Variants in CPEB3 observed in about 807,000 individuals in gnomAD.
CPEB3 encodes the protein cytoplasmic polyadenylation element binding protein 3, also known as cytoplasmic polyadenylation element-binding protein 3.
A neutral mutation model predicts 67.2 loss-of-function variants in CPEB3; 20 were observed. That is an observed-to-expected ratio of 0.30 (90% CI 0.21 to 0.43). The LOEUF is 0.43. CPEB3 is among the 20% of genes least tolerant of loss of function. The pLI, the probability that CPEB3 is intolerant of heterozygous loss-of-function variation, is 1.00. For synonymous variants in CPEB3, 376 were observed against 393.1 expected (o/e 0.96, Z 0.51); for missense variants, 746 against 968.6 (o/e 0.77, Z 3.05).
intron 6 of CPEB3, among the ~76,000 whole-genome samples, chr10:92,131,517 G>A (rs1039518998): frequency 3.9e-5 from 6 of 152,150 alleles, no homozygotes; most frequent in Admixed American, 2.6e-4. Context: ...AAAATATTTA[G>A]CTTGGAAAGA....
chr10:92,238,622 C>T (rs1851654430), intron 2 of CPEB3, among the ~76,000 whole-genome samples: 1 of 93,466 alleles, frequency 1.1e-5, no homozygotes, highest in Non-Finnish European at 2.0e-5. Flanking sequence ...TGTCTCTTAC[C>T]TCCGAAAAAA....
intron 1 of CPEB3, among the ~76,000 whole-genome samples, chr10:92,264,547 T>C (rs933945742): frequency 2.6e-5 from 4 of 152,046 alleles, no homozygotes; most frequent in Admixed American, 2.0e-4. Flanking sequence ...ATCATGTTTT[T>C]TCTCAATCAA....
intron 6 of CPEB3, among the ~76,000 whole-genome samples, chr10:92,123,919 C>T (rs1170452427): frequency 6.6e-6 from 1 of 152,186 alleles, no homozygotes; most frequent in African/African-American, 2.4e-5. Flanking sequence ...GCTGGCTTCC[C>T]ATTCCTAACT....
At chr10:92,218,321 C>T (rs1241740295) in intron 2 of CPEB3, among the ~76,000 whole-genome samples, 4 of 152,146 alleles carry the variant, frequency 2.6e-5, no homozygotes, top group African/African-American at 4.8e-5. Flanking sequence ...GCAGGAGAAT[C>T]GCCTGAACCT....
intron 2 of CPEB3, among the ~76,000 whole-genome samples, chr10:92,228,726 T>A (rs910982504): frequency 3.3e-5 from 5 of 151,818 alleles, no homozygotes; most frequent in African/African-American, 4.8e-5. Context: ...ACATTTTTTT[T>A]TTTTTGAGAC....
chr10:92,239,967 G>T lies in CPEB3; in HGVS notation c.384C>A (p.Thr128=). Reference sequence around the variant, plus strand: ...GGAAGAGCATGGTCCCGTTGACTGGGGTGATCCCCTGGAAGAAGCTGTCCT... The same window carrying T: ...GGAAGAGCATGGTCCCGTTGACTGGTGTGATCCCCTGGAAGAAGCTGTCCT... ...AVEDSFFQGI[T]PVNGTMLFQN... is the part of the protein sequence containing the mutation. Residue 128 remains threonine (T), a synonymous_variant, in exon 2 of 10, where the codon ACC becomes ACA. Coordinates refer to ENST00000265997, the MANE Select transcript of CPEB3 (RefSeq NM_014912.5). The surrounding 1 kb of genome is among the most constrained non-coding windows in gnomAD (Gnocchi z 6.0). 3.7e-6 allele frequency: 6 copies of T among 1,613,248 alleles called. No homozygotes were observed. The highest frequency in any genetic ancestry group is 5.1e-6 in the Non-Finnish European group (6 of 1,179,614).
intron 2 of CPEB3, among the ~76,000 whole-genome samples, chr10:92,221,081 G>A (rs1369750501): frequency 6.6e-6 from 1 of 152,196 alleles, no homozygotes; most frequent in African/African-American, 2.4e-5. Context: ...AGTGAATGCA[G>A]AGTAGAAATG....
At chr10:92,137,189 C>A in intron 6 of CPEB3, 1 of 416,194 alleles carries the variant, frequency 2.4e-6, no homozygotes, top group Non-Finnish European at 4.5e-6. Context: ...TGATAATTGG[C>A]TCAAAAGATA....
At chr10:92,080,879 G>A (rs190826442) in intron 9 of CPEB3, among the ~76,000 whole-genome samples, 6 of 152,262 alleles carry the variant, frequency 3.9e-5, no homozygotes, top group Admixed American at 3.3e-4. Context: ...GATTACAGGT[G>A]TGAGCCACCG....
rs1845184684 is a variant in CPEB3, at chr10:92,118,950, A to G, written c.1454-7756T>C. The G allele has an allele frequency of 2.2e-6, 3 of 1,339,376 alleles. No homozygotes were observed. The African/African-American group carries it at 4.4e-5, about 20-fold the overall frequency. 83.0% of individuals were successfully genotyped at this position (1,339,376 alleles called of 1,614,324 possible). A position where few individuals can be genotyped will look rare whatever the true frequency, so the allele number is the denominator to read the frequency against. On this transcript the variant is annotated intron_variant, in intron 6 of 9. Transcript: ENST00000265997. ...TTACTCCCTGGGAACTTTGAGTCTT[A>G]TTTGGAGCTGGTGAAGTCCCTGTGT...
chr10:92,270,300 TC>T (rs1853248651), intron 1 of CPEB3, among the ~76,000 whole-genome samples: 5 of 152,164 alleles, frequency 3.3e-5, no homozygotes, highest in African/African-American at 1.2e-4. Flanking sequence ...GAAAGGGTTT[TC>T]TGGAGTAACG....
chr10:92,234,296 T>TA (rs1851421067), intron 2 of CPEB3, among the ~76,000 whole-genome samples: 1 of 152,034 alleles, frequency 6.6e-6, no homozygotes, highest in Non-Finnish European at 1.5e-5. Flanking sequence ...TTCATAATAT[T>TA]AAAAAATATG....
intron 6 of CPEB3, among the ~76,000 whole-genome samples, chr10:92,130,647 C>T (rs1433182444): frequency 7.0e-6 from 1 of 143,394 alleles, no homozygotes; most frequent in Non-Finnish European, 1.5e-5. Context: ...CATTCTTTCC[C>T]TATGTGGCTT....
At chr10:92,097,317 C>T (rs1045782216) in intron 7 of CPEB3, among the ~76,000 whole-genome samples, 1 of 152,172 alleles carries the variant, frequency 6.6e-6, no homozygotes, top group African/African-American at 2.4e-5. Flanking sequence ...ATGCCATGGG[C>T]CCCACCCAGT....
chr10:92,058,422 A>G (rs575816332), intron 9 of CPEB3, among the ~76,000 whole-genome samples: 2 of 152,156 alleles, frequency 1.3e-5, no homozygotes, highest in South Asian at 4.1e-4. Flanking sequence ...GGTGGCAAGT[A>G]ACTGTAATCC....
At chr10:92,185,280 A>C (rs1455709530) in intron 3 of CPEB3, among the ~76,000 whole-genome samples, 6 of 152,204 alleles carry the variant, frequency 3.9e-5, no homozygotes, top group Non-Finnish European at 5.9e-5. Context: ...TGGAAGGCAT[A>C]CTTGGTTTTA....
chr10:92,095,903 T>C (rs1843850855), intron 7 of CPEB3, among the ~76,000 whole-genome samples: 1 of 151,416 alleles, frequency 6.6e-6, no homozygotes, highest in South Asian at 2.1e-4. Context: ...TGAGATGGAG[T>C]CTTGCTCTGT....
rs192627284 is a variant in CPEB3 at position 92,108,980 on chromosome 10, C to T, written c.1572+2096G>A. On this transcript the variant is annotated intron_variant, in intron 7 of 9. Transcript: ENST00000265997. ...CCACAAGGCATATTATTCTCCTTCC[C>T]TACAGAGCCAGTGACACGATTCTTC... 2.0e-5 allele frequency among the ~76,000 whole-genome samples: 3 copies of T among 152,328 alleles called. No homozygotes were observed. In the East Asian group the frequency reaches 5.8e-4, roughly 29 times the overall value.
chr10:92,067,124 CTA>C (rs1242834572), intron 9 of CPEB3, among the ~76,000 whole-genome samples: 1 of 150,988 alleles, frequency 6.6e-6, no homozygotes, highest in Non-Finnish European at 1.5e-5. Context: ...AATAAAAAAA[CTA>C]AAAATAATAA....
Sources: gnomAD v4.1 joint callset for allele counts (sites outside exome capture counted in the v4.1 genomes callset) on GRCh38, gnomAD v4.1.1 for gene constraint, Gnocchi (gnomAD v3.1) non-coding constraint, MANE v1.5 for transcripts, NCBI Gene and HGNC (gene_info 2026-07-23, HGNC 2026-07-21) for gene names.